The following IQGAP2 variants were observed in gnomAD, a reference collection of about 807,000 sequenced individuals.
IQGAP2 encodes IQ motif containing GTPase activating protein 2.
A neutral mutation model predicts 201.3 loss-of-function variants in IQGAP2; 173 were observed. That is an observed-to-expected ratio of 0.86 (90% CI 0.76 to 0.98). IQGAP2 has a LOEUF of 0.98. IQGAP2 is among the 50% of genes least tolerant of loss of function. IQGAP2 has a pLI of 0.00. For missense variants in IQGAP2, 1,687 were observed against 1,864.8 expected, an observed-to-expected ratio of 0.90 and a Z score of 1.76; for synonymous variants, 675 against 673.9, an observed-to-expected ratio of 1.00 and a Z score of -0.03.
chr5:76,517,822 C>T (rs1758432529), intron 2 of IQGAP2, among the ~76,000 whole-genome samples: 1 of 152,066 alleles, frequency 6.6e-6, no homozygotes, highest in Non-Finnish European at 1.5e-5. Flanking sequence ...CTATCTAAAG[C>T]ACCTATTTTA....
At chr5:76,511,161 G>A (rs182448744) in intron 2 of IQGAP2, among the ~76,000 whole-genome samples, 37 of 152,280 alleles carry the variant, frequency 2.4e-4, no homozygotes, top group Non-Finnish European at 4.3e-4. Flanking sequence ...CCTTGGTTGC[G>A]ATGGTTTAAA....
intron 13 of IQGAP2, among the ~76,000 whole-genome samples, chr5:76,626,192 T>G (rs556039900): frequency 1.3e-5 from 2 of 152,198 alleles, no homozygotes; most frequent in African/African-American, 4.8e-5. Flanking sequence ...TTCTCACCTA[T>G]GTCTGGATCA....
intron 1 of IQGAP2, among the ~76,000 whole-genome samples, chr5:76,435,833 G>A (rs1035421712): frequency 2.6e-5 from 4 of 152,034 alleles, no homozygotes; most frequent in South Asian, 2.1e-4. Flanking sequence ...ATATGTTTAC[G>A]TTTGCTTGTA....
chr5:76,543,505 CT>C lies in IQGAP2; in HGVS notation c.147-18890del, dbSNP rs147894503. On this transcript the variant is annotated intron_variant, in intron 2 of 35. Coordinates refer to ENST00000274364, the MANE Select transcript of IQGAP2 (RefSeq NM_006633.5). ...CCCTCCAGCATGTTTCTCTGAGGAG[CT>C]GTTGATCATTTGCCCAGGAGATGGA... 2.8e-3 allele frequency among the ~76,000 whole-genome samples: 422 copies of C among 152,336 alleles called. 2 individuals carry two copies. The highest frequency in any genetic ancestry group is 9.8e-3 in the African/African-American group (408 of 41,568).
At chr5:76,499,004 A>G (rs1757136268) in intron 2 of IQGAP2, among the ~76,000 whole-genome samples, 1 of 152,218 alleles carries the variant, frequency 6.6e-6, no homozygotes, top group Non-Finnish European at 1.5e-5. Context: ...AAACTCTTGG[A>G]TTTGCTGTTC....
chr5:76,683,701 C>A, intron 29 of IQGAP2, 75 bp from the exon 30 acceptor site: 1 of 1,404,094 alleles, frequency 7.1e-7, no homozygotes, highest in Non-Finnish European at 9.7e-7. Flanking sequence ...TCCCACAGAA[C>A]CTTTATCTTA....
intron 13 of IQGAP2, among the ~76,000 whole-genome samples, chr5:76,619,312 G>A (rs1192426337): frequency 6.6e-6 from 1 of 152,076 alleles, no homozygotes; most frequent in African/African-American, 2.4e-5. Context: ...TTCCTGAAGG[G>A]CCTCTAAACT....
At chr5:76,622,900 TC>T (rs1431402789) in intron 13 of IQGAP2, among the ~76,000 whole-genome samples, 2 of 152,186 alleles carry the variant, frequency 1.3e-5, no homozygotes, top group Non-Finnish European at 2.9e-5. Flanking sequence ...TCAAAATTGC[TC>T]CCTGACTTAA....
intron 2 of IQGAP2, among the ~76,000 whole-genome samples, chr5:76,493,213 G>A (rs950595233): frequency 1.6e-4 from 25 of 151,918 alleles, no homozygotes; most frequent in Admixed American, 8.5e-4. Context: ...CCACACTCAC[G>A]GTGGCTCTCG....
intron 2 of IQGAP2, among the ~76,000 whole-genome samples, chr5:76,476,706 CA>C (rs1219953790): frequency 1.3e-5 from 2 of 152,088 alleles, no homozygotes; most frequent in Admixed American, 1.3e-4. Context: ...ACTGCAGAAA[CA>C]GGCATAGATT....
At chr5:76,665,303 C>A in intron 22 of IQGAP2, 128 bp downstream of exon 22, 1 of 770,256 alleles carries the variant, frequency 1.3e-6, no homozygotes, top group Non-Finnish European at 2.2e-6. Flanking sequence ...TACTAAGTAC[C>A]AAGTGCTGTT....
chr5:76,693,452 C>T lies in IQGAP2; in HGVS notation c.3993+10C>T. The stretch of plus-strand genomic sequence containing the variant: ...AGCAACTGCGCAACAGGTAATTTGA[C>T]TTTAAGTGTAAAATAATAATAGACA... On this transcript the variant is annotated intron_variant, in intron 31 of 35. Coordinates refer to ENST00000274364, the MANE Select transcript of IQGAP2 (RefSeq NM_006633.5). 2 of 1,545,808 alleles carry T rather than the reference C, an allele frequency of 1.3e-6. No homozygotes were observed.
intron 3 of IQGAP2, among the ~76,000 whole-genome samples, chr5:76,562,982 A>G (rs1744489611): frequency 6.6e-6 from 1 of 152,266 alleles, no homozygotes; most frequent in Non-Finnish European, 1.5e-5. Context: ...AGATACGACT[A>G]ACCACTTTGT....
chr5:76,702,686 T>G, intron 35 of IQGAP2, 96 bp downstream of exon 35: 1 of 666,838 alleles, frequency 1.5e-6, no homozygotes. Context: ...ACAATAAAGT[T>G]TAACAGAAAA....
chr5:76,562,251 C>T, intron 2 of IQGAP2, 145 bp from the exon 3 acceptor site: 1 of 590,150 alleles, frequency 1.7e-6, no homozygotes, highest in Non-Finnish European at 2.9e-6. Flanking sequence ...CCCAGAAAGT[C>T]TTCCCTTCCC....
intron 3 of IQGAP2, among the ~76,000 whole-genome samples, chr5:76,564,530 T>C (rs78873489): frequency 0.013 from 1,934 of 152,332 alleles, 38 homozygotes; most frequent in African/African-American, 0.044. Context: ...GAATGTTGTA[T>C]ACCTTGAATA....
intron 1 of IQGAP2, among the ~76,000 whole-genome samples, chr5:76,440,826 G>C (rs1174857409): frequency 1.3e-5 from 2 of 152,088 alleles, no homozygotes; most frequent in Non-Finnish European, 2.9e-5. Flanking sequence ...GAAGTCAGGA[G>C]TTTGAGACCA....
chr5:76,568,467 A>G (rs529125942), intron 3 of IQGAP2, among the ~76,000 whole-genome samples: 14 of 152,328 alleles, frequency 9.2e-5, no homozygotes, highest in Admixed American at 4.6e-4. Flanking sequence ...TCAGGAACCA[A>G]GGTTCAGAGA....
At chr5:76,549,308 G>A (rs563056879) in intron 2 of IQGAP2, among the ~76,000 whole-genome samples, 15 of 139,970 alleles carry the variant, frequency 1.1e-4, no homozygotes, top group East Asian at 4.0e-4. Flanking sequence ...AGTCTCAGGC[G>A]TCGAGCTCTG....
Sources: gnomAD v4.1 joint callset for allele counts (sites outside exome capture counted in the v4.1 genomes callset) on GRCh38, gnomAD v4.1.1 for gene constraint, MANE v1.5 for transcripts, NCBI Gene and HGNC (gene_info 2026-07-23, HGNC 2026-07-21) for gene names.